SPATA6: variants seen among roughly 807,000 people sequenced by gnomAD.
SPATA6 encodes spermatogenesis-associated protein 6.
SPATA6 carries 56 observed loss-of-function variants against 65.3 expected under a neutral mutation model. That is an observed-to-expected ratio of 0.86 (90% CI 0.69 to 1.07). SPATA6 has a LOEUF of 1.07. SPATA6 is among the 50% of genes least tolerant of loss of function. The probability of loss-of-function intolerance (pLI) is 0.00; values close to 1 mark genes in which losing one functional copy is unlikely to be tolerated. For missense variants in SPATA6, 590 were observed against 594.8 expected, an observed-to-expected ratio of 0.99 and a Z score of 0.08; for synonymous variants, 199 against 213.2, an observed-to-expected ratio of 0.93 and a Z score of 0.58.
At chr1:48,284,956 T>C in the SPATA6 span, among the ~76,000 whole-genome samples, 1 of 152,200 alleles carries the variant, frequency 6.6e-6, no homozygotes, top group Non-Finnish European at 1.5e-5. Context: ...GCTCGAGCGC[T>C]GTGCTGAGAG....
At chr1:48,370,329 C>T (rs1245960413) in intron 9 of SPATA6, among the ~76,000 whole-genome samples, 1 of 152,146 alleles carries the variant, frequency 6.6e-6, no homozygotes, top group Non-Finnish European at 1.5e-5. Context: ...GACAGAAGCA[C>T]AGTGCAGGTA....
chr1:48,443,492 A>G (rs1334062410), intron 3 of SPATA6, among the ~76,000 whole-genome samples: 1 of 152,188 alleles, frequency 6.6e-6, no homozygotes, highest in Non-Finnish European at 1.5e-5. Flanking sequence ...TTTCTCAGAC[A>G]GTTTGCAAGA....
intron 11 of SPATA6, among the ~76,000 whole-genome samples, chr1:48,353,561 T>A (rs1307237096): frequency 1.3e-5 from 2 of 151,594 alleles, no homozygotes; most frequent in African/African-American, 4.8e-5. Flanking sequence ...TATACTAATA[T>A]CAGATAAAAT....
chr1:48,325,353 G>A (rs1645725599), intron 11 of SPATA6: 1 of 1,349,030 alleles, frequency 7.4e-7, no homozygotes, highest in Non-Finnish European at 1.1e-6. Context: ...TCCCCTGAAG[G>A]CAAAGTTCTG....
chr1:48,449,803 T>C (rs1415641708), intron 3 of SPATA6, among the ~76,000 whole-genome samples: 1 of 152,212 alleles, frequency 6.6e-6, no homozygotes, highest in Non-Finnish European at 1.5e-5. Context: ...GTTCTGTATT[T>C]TTTAAAGCCT....
chr1:48,312,259 G>A (rs1214080064), intron 11 of SPATA6, among the ~76,000 whole-genome samples: 2 of 152,180 alleles, frequency 1.3e-5, no homozygotes, highest in Non-Finnish European at 2.9e-5. Flanking sequence ...AGAATGGACA[G>A]ACTACCTCCT....
Position 48,468,948 on chromosome 1 carries a change from A to C in SPATA6, c.51+3010T>G, listed in dbSNP as rs145812771. On this transcript the variant is annotated intron_variant, in intron 1 of 12. Coordinates refer to ENST00000371847, the MANE Select transcript of SPATA6 (RefSeq NM_019073.4). ...ATACAGAACAATCTCCTTATTTTTT[A>C]ATTTTATTTACGTATGTATTTATTT... Among the ~76,000 whole-genome samples the C allele has an allele frequency of 5.5e-3, 841 of 152,216 alleles. 8 individuals carry two copies. The highest frequency in any genetic ancestry group is 0.019 in the African/African-American group (793 of 41,536).
At chr1:48,267,066 T>TATA in the SPATA6 span, among the ~76,000 whole-genome samples, 259 of 151,782 alleles carry the variant, frequency 1.7e-3, 2 homozygotes, top group East Asian at 9.6e-4. Flanking sequence ...TAGTGAGCTA[T>TATA]ATAATAATAA....
At chr1:48,313,041 A>G (rs199628033) in intron 11 of SPATA6, among the ~76,000 whole-genome samples, 1 of 152,232 alleles carries the variant, frequency 6.6e-6, no homozygotes, top group South Asian at 2.1e-4. Flanking sequence ...ATATGGGACT[A>G]TGTGAAAAGA....
At chr1:48,404,039 G>T (rs1463430803) in intron 5 of SPATA6, among the ~76,000 whole-genome samples, 157 bp from the exon 6 acceptor site, 1 of 152,098 alleles carries the variant, frequency 6.6e-6, no homozygotes, top group East Asian at 1.9e-4. Context: ...AACATAGTAT[G>T]GCTAAATGTT....
chr1:48,379,177 C>T (rs137955889), intron 9 of SPATA6, among the ~76,000 whole-genome samples: 1 of 152,266 alleles, frequency 6.6e-6, no homozygotes, highest in Non-Finnish European at 1.5e-5. Flanking sequence ...ACAGGCACAT[C>T]TTACATGGTG....
At chr1:48,436,229 T>C (rs1442975390) in intron 3 of SPATA6, 3 of 1,613,468 alleles carry the variant, frequency 1.9e-6, no homozygotes, top group South Asian at 1.1e-5. Flanking sequence ...CTGGTAACTA[T>C]AAAAATTACA....
chr1:48,368,111 T>C (rs1647091626), intron 9 of SPATA6, among the ~76,000 whole-genome samples: 1 of 152,218 alleles, frequency 6.6e-6, no homozygotes, highest in African/African-American at 2.4e-5. Flanking sequence ...TTTAAGAATG[T>C]TGAATATTGG....
chr1:48,296,261 C>T lies in SPATA6; in HGVS notation c.*2452G>A, dbSNP rs1644811458. The T allele has an allele frequency of 6.6e-6, 1 of 152,006 alleles. No individual in the cohort carries two copies. The highest frequency in any genetic ancestry group is 2.4e-5 in the African/African-American group (1 of 41,410). 9.4% of individuals were successfully genotyped at this position (152,006 alleles called of 1,614,324 possible). A position where few individuals can be genotyped will look rare whatever the true frequency, so the allele number is the denominator to read the frequency against. On this transcript the variant is annotated 3_prime_UTR_variant, in exon 13 of 13. Coordinates refer to ENST00000371847, the MANE Select transcript of SPATA6 (RefSeq NM_019073.4). ...AAGGTTTTACTCTTTAAAAACAATACAGCATAAGCACTCATAGTAGTAGTT... is the reference window on the plus strand; with the variant it reads ...AAGGTTTTACTCTTTAAAAACAATATAGCATAAGCACTCATAGTAGTAGTT...
chr1:48,310,289 A>G (rs1036100874), intron 11 of SPATA6, among the ~76,000 whole-genome samples: 2 of 152,214 alleles, frequency 1.3e-5, no homozygotes, highest in Non-Finnish European at 2.9e-5. Context: ...AGTAATTACA[A>G]TTCTCTGGGA....
intron 7 of SPATA6, among the ~76,000 whole-genome samples, chr1:48,395,642 G>A (rs1437353751): frequency 2.0e-5 from 3 of 151,812 alleles, no homozygotes; most frequent in Non-Finnish European, 4.4e-5. Context: ...TGCCTAGTTT[G>A]CTTTCCATCA....
chr1:48,372,043 C>G (rs1447319944), intron 9 of SPATA6, among the ~76,000 whole-genome samples: 1 of 152,110 alleles, frequency 6.6e-6, no homozygotes, highest in Non-Finnish European at 1.5e-5. Flanking sequence ...GGGAACACAG[C>G]CAAACCATAT....
chr1:48,450,826 C>A (rs1287818585), intron 3 of SPATA6, among the ~76,000 whole-genome samples: 1 of 152,080 alleles, frequency 6.6e-6, no homozygotes, highest in African/African-American at 2.4e-5. Context: ...GCAGGGGAGG[C>A]CAAATGGAAA....
At chr1:48,423,790 G>C (rs568179564) in intron 3 of SPATA6, among the ~76,000 whole-genome samples, 4 of 151,754 alleles carry the variant, frequency 2.6e-5, no homozygotes, top group Non-Finnish European at 5.9e-5. Flanking sequence ...CAGGTGATCC[G>C]CCTGCCTCAG....
Sources: allele counts gnomAD v4.1 joint callset (sites outside exome capture counted in the v4.1 genomes callset), GRCh38; gene constraint gnomAD v4.1.1; transcripts MANE v1.5; gene names NCBI Gene and HGNC (gene_info 2026-07-23, HGNC 2026-07-21).